The following NAV2 variants were observed in gnomAD, a reference collection of about 807,000 sequenced individuals.
The protein encoded by NAV2 is neuron navigator 2, also known as helicase, APC down-regulated 1.
A neutral mutation model predicts 223.2 loss-of-function variants in NAV2; 54 were observed. That is an observed-to-expected ratio of 0.24 (90% CI 0.19 to 0.30). The LOEUF (loss-of-function observed/expected upper bound fraction) is 0.30. Among genes scored for constraint, NAV2 ranks in the 10% least tolerant of loss-of-function variants. The probability of loss-of-function intolerance (pLI) is 1.00; values close to 1 mark genes in which losing one functional copy is unlikely to be tolerated. For synonymous variants in NAV2, 1,279 were observed against 1,239.3 expected (o/e 1.03, Z -0.67); for missense variants, 2,806 against 3,147.5 (o/e 0.89, Z 2.60).
At chr11:19,981,573 T>G (rs775635676) in intron 10 of NAV2, among the ~76,000 whole-genome samples, 1 of 152,242 alleles carries the variant, frequency 6.6e-6, no homozygotes, top group African/African-American at 2.4e-5. Flanking sequence ...GAATTTTGTT[T>G]ATCTAACTGG....
chr11:19,437,295 A>G (rs1212296275), intron 1 of NAV2, among the ~76,000 whole-genome samples: 1 of 152,074 alleles, frequency 6.6e-6, no homozygotes, highest in Non-Finnish European at 1.5e-5. Flanking sequence ...CTCAAAACCC[A>G]CTATCTTCCC....
chr11:19,460,456 C>T (rs185248135), intron 1 of NAV2, among the ~76,000 whole-genome samples: 1 of 152,190 alleles, frequency 6.6e-6, no homozygotes, highest in East Asian at 1.9e-4. Context: ...TGGTGGGTGA[C>T]CCCCAAATAG....
chr11:19,392,631 A>T (rs567086904), intron 1 of NAV2, among the ~76,000 whole-genome samples: 1 of 152,268 alleles, frequency 6.6e-6, no homozygotes, highest in East Asian at 1.9e-4. Context: ...CTCAGAAGTC[A>T]CTCAGCATCA....
chr11:19,861,916 A>C (rs903170355), intron 3 of NAV2, among the ~76,000 whole-genome samples: 1 of 152,246 alleles, frequency 6.6e-6, no homozygotes, highest in African/African-American at 2.4e-5. Context: ...TCTCTAAAAG[A>C]GAACAGAGTT....
intron 1 of NAV2, among the ~76,000 whole-genome samples, chr11:19,645,949 C>G (rs1353340141): frequency 3.9e-5 from 6 of 152,148 alleles, no homozygotes; most frequent in Non-Finnish European, 8.8e-5. Flanking sequence ...AAGTCTAACT[C>G]CAAAACTACA....
chr11:19,600,230 T>A (rs138983575), intron 1 of NAV2, among the ~76,000 whole-genome samples: 1 of 152,296 alleles, frequency 6.6e-6, no homozygotes, highest in African/African-American at 2.4e-5. Flanking sequence ...TCATTGGGTG[T>A]GGTTTTCTCC....
At chr11:19,631,300 C>A (rs953202372) in intron 1 of NAV2, among the ~76,000 whole-genome samples, 6 of 151,872 alleles carry the variant, frequency 4.0e-5, no homozygotes, top group African/African-American at 1.5e-4. Context: ...TGTTCCCCCT[C>A]CTGTGTCCAT....
At chr11:19,737,344 G>C (rs150579732) in intron 1 of NAV2, among the ~76,000 whole-genome samples, 2 of 152,318 alleles carry the variant, frequency 1.3e-5, no homozygotes, top group South Asian at 2.1e-4. Flanking sequence ...GCTATGCATC[G>C]TGGGGAGTTA....
At chr11:19,543,164 G>A (rs1366830212) in intron 1 of NAV2, among the ~76,000 whole-genome samples, 1 of 152,190 alleles carries the variant, frequency 6.6e-6, no homozygotes, top group African/African-American at 2.4e-5. Flanking sequence ...TCAAATCCCT[G>A]CTCTGCCATT....
At chr11:19,899,242 C>A (rs542469072) in intron 6 of NAV2, among the ~76,000 whole-genome samples, 1 of 152,296 alleles carries the variant, frequency 6.6e-6, no homozygotes, top group Admixed American at 6.5e-5. Flanking sequence ...TGGCTCGAGA[C>A]AGAATTTTAT....
At chr11:19,796,108 G>C (rs543568117) in intron 1 of NAV2, among the ~76,000 whole-genome samples, 1 of 152,298 alleles carries the variant, frequency 6.6e-6, no homozygotes, top group Admixed American at 6.5e-5. Context: ...ATTCATCAAT[G>C]GGGGGATAGC....
At position 19,746,696 on chromosome 11, in the gene NAV2, G is replaced by A. The variant is rs866817784; in HGVS notation, c.267+32734G>A. Among the ~76,000 whole-genome samples, 21 of 152,076 alleles carry A rather than the reference G, an allele frequency of 1.4e-4. No homozygotes were observed. In the Middle Eastern group the frequency reaches 0.017, roughly 123 times the overall value. Reference sequence around the variant, plus strand: ...TAACCCCTTTGCCACATGCCCCCATGTTCTCTTTTTGAATCTTGCTCTCAT... The same window carrying A: ...TAACCCCTTTGCCACATGCCCCCATATTCTCTTTTTGAATCTTGCTCTCAT... On this transcript the variant is annotated intron_variant, in intron 1 of 37. Coordinates refer to ENST00000349880, the MANE Select transcript of NAV2 (RefSeq NM_145117.5).
intron 9 of NAV2, among the ~76,000 whole-genome samples, chr11:19,947,280 G>A (rs1049178327): frequency 3.3e-5 from 5 of 152,166 alleles, no homozygotes; most frequent in Non-Finnish European, 7.3e-5. Flanking sequence ...ATAGGACCGA[G>A]GCCCAAAACA....
At chr11:19,699,487 G>A (rs1179101082) in intron 1 of NAV2, among the ~76,000 whole-genome samples, 1 of 152,134 alleles carries the variant, frequency 6.6e-6, no homozygotes, top group African/African-American at 2.4e-5. Context: ...AAAGATACCA[G>A]TATGAAGAGG....
chr11:19,447,517 C>T (rs1400523876), intron 1 of NAV2, among the ~76,000 whole-genome samples: 1 of 152,214 alleles, frequency 6.6e-6, no homozygotes, highest in African/African-American at 2.4e-5. Flanking sequence ...TAGTAATTCC[C>T]ACCTCACAGA....
chr11:19,956,385 C>T (rs201348685), intron 10 of NAV2, among the ~76,000 whole-genome samples: 1 of 142,052 alleles, frequency 7.0e-6, no homozygotes, highest in African/African-American at 2.8e-5. Context: ...CACACACACA[C>T]ACACACACAC....
chr11:19,898,302 C>T (rs1565518733), intron 6 of NAV2, among the ~76,000 whole-genome samples: 3 of 152,072 alleles, frequency 2.0e-5, no homozygotes, highest in South Asian at 2.1e-4. Flanking sequence ...CCTACATAGC[C>T]CCACCTCCTA....
intron 1 of NAV2, among the ~76,000 whole-genome samples, chr11:19,679,612 T>A (rs59593489): frequency 1.3e-5 from 2 of 152,204 alleles, no homozygotes; most frequent in African/African-American, 4.8e-5. Context: ...GACTCATTCC[T>A]ACTCTTCAAG....
intron 1 of NAV2, among the ~76,000 whole-genome samples, chr11:19,808,072 C>T (rs1027572254): frequency 6.6e-6 from 1 of 152,172 alleles, no homozygotes; most frequent in Non-Finnish European, 1.5e-5. Context: ...GTTTTAACCT[C>T]TCTTAAAAAC....
Sources: allele counts gnomAD v4.1 joint callset (sites outside exome capture counted in the v4.1 genomes callset), GRCh38; gene constraint gnomAD v4.1.1; transcripts MANE v1.5; gene names NCBI Gene and HGNC (gene_info 2026-07-23, HGNC 2026-07-21).